FAM81A: variants seen among roughly 807,000 people sequenced by gnomAD.
FAM81A encodes family with sequence similarity 81 member A, also known as protein FAM81A.
In FAM81A, 19 loss-of-function variants were observed where a neutral mutation model predicts 46.7. That is an observed-to-expected ratio of 0.41 (90% CI 0.28 to 0.60). The LOEUF is 0.60. Among genes scored for constraint, FAM81A ranks in the 20% least tolerant of loss-of-function variants. The pLI, the probability that FAM81A is intolerant of heterozygous loss-of-function variation, is 0.34. For missense variants in FAM81A, 377 were observed against 453.5 expected (o/e 0.83, Z 1.53); for synonymous variants, 183 against 152.9 (o/e 1.20, Z -1.45).
rs548743378 is a variant in FAM81A at position 59,449,426 on chromosome 15, C to T, written c.-77-9124C>T. On this transcript the variant is annotated intron_variant, in intron 1 of 8. Transcript: ENST00000288228. ...ACCCTGATTTGGTATTTGTCATTTCCACATTCATCTTGAGATGTTACAGAT... is the reference window on the plus strand; with the variant it reads ...ACCCTGATTTGGTATTTGTCATTTCTACATTCATCTTGAGATGTTACAGAT... 2.6e-5 allele frequency among the ~76,000 whole-genome samples: 4 copies of T among 152,216 alleles called. No individual in the cohort carries two copies. The East Asian group carries it at 5.8e-4, about 22-fold the overall frequency.
At chr15:59,427,141 C>T (rs1359174816) in intron 2 of FAM81A, among the ~76,000 whole-genome samples, 1 of 152,174 alleles carries the variant, frequency 6.6e-6, no homozygotes, top group Non-Finnish European at 1.5e-5. Flanking sequence ...CACCGAGTCT[C>T]ACTCTGTCAC....
intron 2 of FAM81A, among the ~76,000 whole-genome samples, chr15:59,411,256 A>G (rs2081119292): frequency 6.6e-6 from 1 of 152,190 alleles, no homozygotes; most frequent in African/African-American, 2.4e-5. Flanking sequence ...TCGCTGGGGC[A>G]GAGGATGCCT....
chr15:59,516,663 A>G lies in FAM81A; in HGVS notation c.805A>G (p.Met269Val). The change falls in exon 8 of 9, where the codon ATG becomes GTG. Residue 269 changes from methionine (M) to valine (V), a missense_variant. Transcript: ENST00000288228. ...ATCTCAGGGAGCCAGTGAAAGGGAT[A>G]TGGAGAAGAAGCTCAGCCAGATGTC... ...KENSGASERD[M>V]EKKLSQMSAR... 6.2e-7 allele frequency: 1 copy of G among 1,613,032 alleles called. No homozygotes were observed. Among genetic ancestry groups the G allele is most frequent in the Non-Finnish European group, 8.5e-7 (1 of 1,179,594 alleles).
intron 4 of FAM81A, among the ~76,000 whole-genome samples, chr15:59,503,233 CAAAA>C (rs769759845): frequency 0.04 from 1,422 of 35,170 alleles, 4 homozygotes; most frequent in Middle Eastern, 0.077. Context: ...GAGACTGTCT[CAAAA>C]AAAAAAAAAA....
At chr15:59,455,962 C>T (rs2081478373) in intron 1 of FAM81A, among the ~76,000 whole-genome samples, 1 of 152,182 alleles carries the variant, frequency 6.6e-6, no homozygotes, top group African/African-American at 2.4e-5. Flanking sequence ...CATTAACAAA[C>T]ATATATGGAT....
intron 4 of FAM81A, among the ~76,000 whole-genome samples, chr15:59,505,055 C>T (rs2082134448): frequency 1.3e-5 from 2 of 152,196 alleles, no homozygotes; most frequent in African/African-American, 2.4e-5. Flanking sequence ...CTATTTCCTT[C>T]TGTTGGAACT....
In FAM81A at chr15:59,408,680, T is replaced by G. The variant is rs147439997; in HGVS notation, c.-78+6322T>G. Among the ~76,000 whole-genome samples, 1,058 of 152,048 alleles carry G rather than the reference T, an allele frequency of 7.0e-3. 14 individuals are homozygous for G. The highest frequency in any genetic ancestry group is 0.024 in the African/African-American group (1,002 of 41,470). ...CATCTGTACTAAAAATACAAAAAAATGAGCTGGGCATGGTGGTGCGCACCT... is the reference window on the plus strand; with the variant it reads ...CATCTGTACTAAAAATACAAAAAAAGGAGCTGGGCATGGTGGTGCGCACCT... On this transcript the variant is annotated intron_variant, in intron 2 of 4. Transcript: ENST00000558348.
chr15:59,481,941 A>T (rs1337223291), intron 3 of FAM81A, among the ~76,000 whole-genome samples: 2 of 151,912 alleles, frequency 1.3e-5, no homozygotes, highest in Non-Finnish European at 1.5e-5. Context: ...ATAAGTGAAA[A>T]TGCTATTTTT....
intron 1 of FAM81A, among the ~76,000 whole-genome samples, chr15:59,443,045 T>G (rs1443959640): frequency 1.3e-5 from 2 of 152,210 alleles, no homozygotes; most frequent in Non-Finnish European, 2.9e-5. Context: ...GACCTAATAA[T>G]GTCCTTCATG....
chr15:59,428,136 G>C (rs1294910806), intron 2 of FAM81A, among the ~76,000 whole-genome samples: 1 of 152,162 alleles, frequency 6.6e-6, no homozygotes, highest in African/African-American at 2.4e-5. Context: ...GTTTTGATTT[G>C]TGTTTCTCTG....
At chr15:59,479,984 G>A (rs1436281360) in intron 3 of FAM81A, among the ~76,000 whole-genome samples, 1 of 152,170 alleles carries the variant, frequency 6.6e-6, no homozygotes, top group Non-Finnish European at 1.5e-5. Flanking sequence ...TTTTAGGGGA[G>A]CAAGAATTGA....
intron 3 of FAM81A, among the ~76,000 whole-genome samples, chr15:59,483,454 A>G (rs531260069): frequency 7.2e-5 from 11 of 152,308 alleles, no homozygotes. Flanking sequence ...TCCTGAAAAA[A>G]ATACACAAGT....
chr15:59,426,495 C>A (rs1336017132), intron 2 of FAM81A, among the ~76,000 whole-genome samples: 1 of 152,214 alleles, frequency 6.6e-6, no homozygotes, highest in African/African-American at 2.4e-5. Flanking sequence ...TGCCTGTAAT[C>A]CCAGCTACTG....
intron 4 of FAM81A, among the ~76,000 whole-genome samples, chr15:59,502,887 T>C (rs1277039827): frequency 6.6e-6 from 1 of 152,164 alleles, no homozygotes. Context: ...CCCAGCCTGC[T>C]TCTTTTTTTA....
chr15:59,430,347 C>T (rs903660554), intron 2 of FAM81A, among the ~76,000 whole-genome samples: 2 of 146,850 alleles, frequency 1.4e-5, no homozygotes, highest in Admixed American at 7.0e-5. Flanking sequence ...TCAGTGCAAC[C>T]TCCGCCTCCC....
intron 1 of FAM81A, among the ~76,000 whole-genome samples, chr15:59,449,137 C>T (rs542317902): frequency 6.6e-6 from 1 of 152,256 alleles, no homozygotes; most frequent in Non-Finnish European, 1.5e-5. Context: ...AGATTAGTTA[C>T]TTTTGCCATG....
upstream of FAM81A, among the ~76,000 whole-genome samples, chr15:59,436,199 G>T (rs1458095563): frequency 6.6e-6 from 1 of 152,154 alleles, no homozygotes; most frequent in Non-Finnish European, 1.5e-5. Flanking sequence ...CACCTTCCAG[G>T]TCCTCTCCTT....
intron 1 of FAM81A, chr15:59,444,277 G>A (rs2081331682): frequency 6.6e-6 from 1 of 152,190 alleles, no homozygotes; most frequent in African/African-American, 2.4e-5. Context: ...GTGCGATGGT[G>A]GATGTGAGAC....
At chr15:59,404,559 C>CCT in intron 2 of FAM81A, among the ~76,000 whole-genome samples, 1 of 152,288 alleles carries the variant, frequency 6.6e-6, no homozygotes, top group East Asian at 1.9e-4. Context: ...CTCCTGGGCT[C>CCT]AAGCCGTCCT....
Sources: gnomAD v4.1 joint callset for allele counts (sites outside exome capture counted in the v4.1 genomes callset) on GRCh38, gnomAD v4.1.1 for gene constraint, MANE v1.5 for transcripts, NCBI Gene and HGNC (gene_info 2026-07-23, HGNC 2026-07-21) for gene names.